SSTR1: variants seen among roughly 807,000 people sequenced by gnomAD.
The protein encoded by SSTR1 is somatostatin receptor type 1.
SSTR1 carries 10 observed loss-of-function variants against 20.7 expected under a neutral mutation model. The ratio of observed to expected loss-of-function variants is 0.48; its 90% CI spans 0.30 to 0.82. The LOEUF (loss-of-function observed/expected upper bound fraction) is 0.82, where lower values mean the gene tolerates loss of function less well. SSTR1 is among the 40% of genes least tolerant of loss of function. The probability of loss-of-function intolerance (pLI) is 0.07; values close to 1 mark genes in which losing one functional copy is unlikely to be tolerated. For synonymous variants in SSTR1, 267 were observed against 227.8 expected (o/e 1.17, Z -1.55); for missense variants, 494 against 540.0 (o/e 0.91, Z 0.84).
chr14:38,208,165 C>G (rs894021979), intron 1 of SSTR1, 61 bp downstream of exon 1: 1 of 152,300 alleles, frequency 6.6e-6, no homozygotes, highest in African/African-American at 2.4e-5. Flanking sequence ...TTATCTTTCC[C>G]GAGTGAACAC....
Position 38,209,504 on chromosome 14 carries a change from G to A in SSTR1, c.115G>A (p.Glu39Lys), listed in dbSNP as rs750892489. ...GPGAGAADGM[E>K]EPGRNASQNG... Reference sequence around the variant, plus strand: ...CGGGGCCGGCGCTGCGGACGGCATGGAGGAGCCAGGGCGAAATGCGTCCCA... The same window carrying A: ...CGGGGCCGGCGCTGCGGACGGCATGAAGGAGCCAGGGCGAAATGCGTCCCA... Residue 39 changes from glutamate (E) to lysine (K), a missense_variant, in exon 3 of 3, where the codon GAG becomes AAG. Glu to Lys is a moderately conservative substitution (Grantham distance 56). This residue lies in a region of SSTR1 where 98 missense variants were observed against 79.3 expected (regional missense o/e 1.24). Transcript: ENST00000267377. 6.3e-7 allele frequency: 1 copy of A among 1,587,482 alleles called. No homozygotes were observed. The highest frequency in any genetic ancestry group is 8.6e-7 in the Non-Finnish European group (1 of 1,165,554).
In SSTR1 at chr14:38,212,086, T is replaced by C. The variant is rs1883341902; in HGVS notation, c.*1521T>C. 5 of 167,056 alleles carry C rather than the reference T, an allele frequency of 3.0e-5. No individual in the cohort carries two copies. The allele number at this position is 167,056 out of a possible 1,614,324, so 10.3% of individuals were successfully genotyped here. A position where few individuals can be genotyped will look rare whatever the true frequency, so the allele number is the denominator to read the frequency against. On this transcript the variant is annotated 3_prime_UTR_variant, in exon 3 of 3. Transcript: ENST00000267377. ...TTACTATAGTCTCTTGTTTGTCTTA[T>C]TAGGATAATACATAAATGATAATGT... is the stretch of plus-strand genomic sequence containing the variant.
rs1177563616 is a variant in SSTR1 at position 38,210,004 on chromosome 14, G to A, written c.615G>A (p.Thr205=). The A allele has an allele frequency of 6.2e-7, 1 of 1,614,122 alleles. No individual in the cohort carries two copies. The highest frequency in any genetic ancestry group is 2.2e-5 in the East Asian group (1 of 44,864). The part of the protein sequence containing the change: ...FSRTAANSDG[T]VACNMLMPEP... ...GCACCGCGGCCAACAGCGACGGCAC[G>A]GTGGCTTGCAACATGCTCATGCCAG... Residue 205 remains threonine, a synonymous_variant, in exon 3 of 3, where the codon ACG becomes ACA. Coordinates refer to ENST00000267377, the MANE Select transcript of SSTR1 (RefSeq NM_001049.3).
Position 38,210,698 on chromosome 14 carries a change from G to A in SSTR1, c.*133G>A, listed in dbSNP as rs2139298110. 1 of 1,448,636 alleles carries A rather than the reference G, an allele frequency of 6.9e-7. No homozygotes were observed. Among genetic ancestry groups the A allele is most frequent in the South Asian group, 1.5e-5 (1 of 66,768 alleles). 89.7% of individuals were successfully genotyped at this position (1,448,636 alleles called of 1,614,324 possible). On this transcript the variant is annotated 3_prime_UTR_variant, in exon 3 of 3. Transcript: ENST00000267377. The stretch of plus-strand genomic sequence containing the variant: ...CGCCAGGGTGCTGTCGGGATAACGT[G>A]GGGCTAGGACACTGACAGCCTTTGA...
intron 1 of SSTR1, 34 bp downstream of exon 1, chr14:38,208,138 T>C (rs1324096153): frequency 1.3e-5 from 2 of 152,364 alleles, no homozygotes; most frequent in African/African-American, 4.8e-5. Flanking sequence ...GGTGGAGCCC[T>C]TCCAAGCGGC....
chr14:38,210,802 C>CT lies in SSTR1; in HGVS notation c.*242dup, dbSNP rs1883314578. The CT allele has an allele frequency of 3.9e-6, 4 of 1,036,816 alleles. No homozygotes were observed. The Admixed American group carries it at 1.1e-4, about 28-fold the overall frequency. 64.2% of individuals were successfully genotyped at this position (1,036,816 alleles called of 1,614,324 possible). On this transcript the variant is annotated 3_prime_UTR_variant, in exon 3 of 3. Coordinates refer to ENST00000267377, the MANE Select transcript of SSTR1 (RefSeq NM_001049.3). ...TAAACTGGGAAGGCTTTCAGGCTAC[C>CT]TTTTTCTGGGTCTCCCACTTTCTGT...
chr14:38,209,131 TC>T lies in SSTR1; in HGVS notation c.-257del. ...GGCTGTGCCGTGCGGTGCTCCCACATCCTGGCCTCTCCTCTCCACGGTCGCC... is the reference window on the plus strand; with the variant it reads ...GGCTGTGCCGTGCGGTGCTCCCACATCTGGCCTCTCCTCTCCACGGTCGCC... On this transcript the variant is annotated 5_prime_UTR_variant, in exon 3 of 3. Coordinates refer to ENST00000267377, the MANE Select transcript of SSTR1 (RefSeq NM_001049.3). 3 of 406,756 alleles carry T rather than the reference TC, an allele frequency of 7.4e-6. No homozygotes were observed. Among genetic ancestry groups the T allele is most frequent in the Non-Finnish European group, 1.3e-5 (3 of 234,130 alleles). 25.2% of individuals were successfully genotyped at this position (406,756 alleles called of 1,614,324 possible).
chr14:38,210,001 C>A lies in SSTR1; in HGVS notation c.612C>A (p.Gly204=). 6.2e-7 allele frequency: 1 copy of A among 1,614,168 alleles called. No homozygotes were observed. The highest frequency in any genetic ancestry group is 8.5e-7 in the Non-Finnish European group (1 of 1,180,054). The stretch of plus-strand genomic sequence containing the variant: ...CTCGCACCGCGGCCAACAGCGACGG[C>A]ACGGTGGCTTGCAACATGCTCATGC... The part of the protein sequence containing the change: ...VFSRTAANSD[G]TVACNMLMPE... The change falls in exon 3 of 3, where the codon GGC becomes GGA. Residue 204 remains glycine (G), a synonymous_variant. Transcript: ENST00000267377.
At position 38,211,719 on chromosome 14, in the gene SSTR1, C is replaced by T. The variant is rs1221447801; in HGVS notation, c.*1154C>T. 6.0e-6 allele frequency: 1 copy of T among 167,150 alleles called. No individual in the cohort carries two copies. Among genetic ancestry groups the T allele is most frequent in the Non-Finnish European group, 1.5e-5 (1 of 68,144 alleles). 10.4% of individuals were successfully genotyped at this position (167,150 alleles called of 1,614,324 possible). ...GCCAGTGTTGGCGGTGTCGCCGCAA[C>T]CTGCAGGCTCCCGAGTGGGGCCTGC... On this transcript the variant is annotated 3_prime_UTR_variant, in exon 3 of 3. Transcript: ENST00000267377.
chr14:38,210,662 G>T lies in SSTR1; in HGVS notation c.*97G>T. 6.8e-7 allele frequency: 1 copy of T among 1,463,230 alleles called. No homozygotes were observed. The highest frequency in any genetic ancestry group is 1.4e-5 in the African/African-American group (1 of 70,058). The allele number at this position is 1,463,230 out of a possible 1,614,324, so 90.6% of individuals were successfully genotyped here. A position where few individuals can be genotyped will look rare whatever the true frequency, so the allele number is the denominator to read the frequency against. On this transcript the variant is annotated 3_prime_UTR_variant, in exon 3 of 3. Transcript: ENST00000267377. ...AGGGAAGGCCGGGTGCGAAAGGGAC[G>T]GTATCCAGGGCGCCAGGGTGCTGTC...
Position 38,210,789 on chromosome 14 carries a change from G to T in SSTR1, c.*224G>T. On this transcript the variant is annotated 3_prime_UTR_variant, in exon 3 of 3. Transcript: ENST00000267377. ...AGAGCTTTGCTTATAAACTGGGAAG[G>T]CTTTCAGGCTACCTTTTTCTGGGTC... 1 of 1,145,616 alleles carries T rather than the reference G, an allele frequency of 8.7e-7. No homozygotes were observed. The highest frequency in any genetic ancestry group is 2.8e-5 in the East Asian group (1 of 35,570). 71.0% of individuals were successfully genotyped at this position (1,145,616 alleles called of 1,614,324 possible). A position where few individuals can be genotyped will look rare whatever the true frequency, so the allele number is the denominator to read the frequency against.
In SSTR1 at chr14:38,210,313, G is replaced by C; in HGVS notation, c.924G>C (p.Ser308=). ...ACGACGCCACGGTGAGTCAGCTGTCGGTCATCCTCGGCTATGCCAACAGCT... is the reference window on the plus strand; with the variant it reads ...ACGACGCCACGGTGAGTCAGCTGTCCGTCATCCTCGGCTATGCCAACAGCT... ...EQDDATVSQL[S]VILGYANSCA... The change falls in exon 3 of 3, where the codon TCG becomes TCC. Residue 308 remains serine, a synonymous_variant. Transcript: ENST00000267377. The C allele has an allele frequency of 6.2e-7, 1 of 1,614,244 alleles. No homozygotes were observed. Among genetic ancestry groups the C allele is most frequent in the Non-Finnish European group, 8.5e-7 (1 of 1,180,050 alleles).
At position 38,210,122 on chromosome 14, in the gene SSTR1, C is replaced by A; in HGVS notation, c.733C>A (p.Leu245Ile). 4 of 1,614,262 alleles carry A rather than the reference C, an allele frequency of 2.5e-6. No individual in the cohort carries two copies. The highest frequency in any genetic ancestry group is 3.4e-6 in the Non-Finnish European group (4 of 1,180,050). ...GGGGGCTATCTGCCTGTGCTACGTG[C>A]TCATCATTGCTAAGATGCGCATGGT... The part of the protein sequence containing the change: ...PVGAICLCYV[L>I]IIAKMRMVAL... The change falls in exon 3 of 3, where the codon CTC becomes ATC. Residue 245 changes from leucine (L) to isoleucine (I), a missense_variant. By Grantham distance (5) the Leu-to-Ile change is conservative. This residue lies in a region of SSTR1 where 280 missense variants were observed against 286.1 expected (regional missense o/e 0.98). Coordinates refer to ENST00000267377, the MANE Select transcript of SSTR1 (RefSeq NM_001049.3).
rs1042720346 is a variant in SSTR1, at chr14:38,210,932, C to G, written c.*367C>G. 9.1e-6 allele frequency: 2 copies of G among 220,166 alleles called. No individual in the cohort carries two copies. The highest frequency in any genetic ancestry group is 4.6e-5 in the African/African-American group (2 of 43,104). 13.6% of individuals were successfully genotyped at this position (220,166 alleles called of 1,614,324 possible). A position where few individuals can be genotyped will look rare whatever the true frequency, so the allele number is the denominator to read the frequency against. On this transcript the variant is annotated 3_prime_UTR_variant, in exon 3 of 3. Coordinates refer to ENST00000267377, the MANE Select transcript of SSTR1 (RefSeq NM_001049.3). ...GTCCCGCCAGTGCAGATCACGAACT[C>G]ATTAACAACTCATTCTGATCCTCAG...
At position 38,210,160 on chromosome 14, in the gene SSTR1, C is replaced by T. The variant is rs1043020605; in HGVS notation, c.771C>T (p.Ala257=). The T allele has an allele frequency of 1.9e-6, 3 of 1,614,114 alleles. No individual in the cohort carries two copies. Among genetic ancestry groups the T allele is most frequent in the Admixed American group, 1.7e-5 (1 of 60,012 alleles). The change falls in exon 3 of 3, where the codon GCC becomes GCT. Residue 257 remains alanine, a synonymous_variant. Transcript: ENST00000267377. ...AGATGCGCATGGTGGCCCTCAAGGC[C>T]GGCTGGCAGCAGCGCAAGCGCTCGG... ...IAKMRMVALK[A]GWQQRKRSER...
rs1883314846 is a variant in SSTR1 at position 38,210,809 on chromosome 14, T to G, written c.*244T>G. 1.1e-6 allele frequency: 1 copy of G among 946,736 alleles called. No homozygotes were observed. The highest frequency in any genetic ancestry group is 2.2e-5 in the South Asian group (1 of 45,186). 58.6% of individuals were successfully genotyped at this position (946,736 alleles called of 1,614,324 possible). On this transcript the variant is annotated 3_prime_UTR_variant, in exon 3 of 3. Coordinates refer to ENST00000267377, the MANE Select transcript of SSTR1 (RefSeq NM_001049.3). ...GGAAGGCTTTCAGGCTACCTTTTTCTGGGTCTCCCACTTTCTGTTCCTTCC... is the reference window on the plus strand; with the variant it reads ...GGAAGGCTTTCAGGCTACCTTTTTCGGGGTCTCCCACTTTCTGTTCCTTCC...
Position 38,211,578 on chromosome 14 carries a change from C to T in SSTR1, c.*1013C>T, listed in dbSNP as rs1338097741. On this transcript the variant is annotated 3_prime_UTR_variant, in exon 3 of 3. Coordinates refer to ENST00000267377, the MANE Select transcript of SSTR1 (RefSeq NM_001049.3). ...AGCCCGCCTTGGCTTTCTCCCTCACCCAAGTTTCCGGAGGAGCCGACCTAA... is the reference window on the plus strand; with the variant it reads ...AGCCCGCCTTGGCTTTCTCCCTCACTCAAGTTTCCGGAGGAGCCGACCTAA... 1 of 167,370 alleles carries T rather than the reference C, an allele frequency of 6.0e-6. No individual in the cohort carries two copies. The highest frequency in any genetic ancestry group is 1.5e-5 in the Non-Finnish European group (1 of 68,244). 10.4% of individuals were successfully genotyped at this position (167,370 alleles called of 1,614,324 possible). A position where few individuals can be genotyped will look rare whatever the true frequency, so the allele number is the denominator to read the frequency against.
chr14:38,210,161 G>A lies in SSTR1; in HGVS notation c.772G>A (p.Gly258Ser), dbSNP rs752182393. 1 of 1,614,248 alleles carries A rather than the reference G, an allele frequency of 6.2e-7. No homozygotes were observed. ...AKMRMVALKA[G>S]WQQRKRSERK... ...GATGCGCATGGTGGCCCTCAAGGCCGGCTGGCAGCAGCGCAAGCGCTCGGA... is the reference window on the plus strand; with the variant it reads ...GATGCGCATGGTGGCCCTCAAGGCCAGCTGGCAGCAGCGCAAGCGCTCGGA... The change falls in exon 3 of 3, where the codon GGC becomes AGC. Residue 258 changes from glycine to serine, a missense_variant. Gly to Ser is a moderately conservative substitution (Grantham distance 56). Around this residue, in one of 3 missense-constraint regions of SSTR1, gnomAD observed 280 missense variants for 286.1 expected, o/e 0.98. Transcript: ENST00000267377.
chr14:38,209,794 C>T lies in SSTR1; in HGVS notation c.405C>T (p.Ser135=). The T allele has an allele frequency of 1.2e-6, 2 of 1,613,962 alleles. No individual in the cohort carries two copies. Among genetic ancestry groups the T allele is most frequent in the Non-Finnish European group, 1.7e-6 (2 of 1,180,042 alleles). The change falls in exon 3 of 3, where the codon AGC becomes AGT. Residue 135 remains serine, a synonymous_variant. Transcript: ENST00000267377. ...FGALLCRLVL[S]VDAVNMFTSI... Reference sequence around the variant, plus strand: ...CGCTGCTCTGCCGCCTCGTGCTCAGCGTGGACGCGGTCAACATGTTCACCA... The same window carrying T: ...CGCTGCTCTGCCGCCTCGTGCTCAGTGTGGACGCGGTCAACATGTTCACCA...
Sources: allele counts gnomAD v4.1 joint callset, GRCh38; gene constraint gnomAD v4.1.1; regional missense constraint gnomAD v4.1.1; transcripts MANE v1.5; gene names NCBI Gene and HGNC (gene_info 2026-07-23, HGNC 2026-07-21).